IQSEC1: variants seen among roughly 807,000 people sequenced by gnomAD.
IQSEC1 encodes IQ motif and Sec7 domain ArfGEF 1.
Under a neutral mutation model 91.0 loss-of-function variants are expected in IQSEC1, and 31 were observed. The observed-to-expected ratio is 0.34, with a 90% CI of 0.26 to 0.46. The LOEUF is 0.46. IQSEC1 is among the 20% of genes least tolerant of loss of function. The pLI is 1.00. For synonymous variants in IQSEC1, 699 were observed against 662.6 expected (o/e 1.05, Z -0.84); for missense variants, 1,388 against 1,575.6 (o/e 0.88, Z 2.02).
chr3:12,911,542 C>T, intron 10 of IQSEC1, 87 bp downstream of exon 10: 2 of 985,336 alleles, frequency 2.0e-6, no homozygotes, highest in Non-Finnish European at 3.2e-6. Flanking sequence ...GTCGAAGCCC[C>T]CCGCGGTTCT....
In IQSEC1 at chr3:12,899,069, C is replaced by G. The variant is rs1693940686; in HGVS notation, c.*1914G>C. On this transcript the variant is annotated 3_prime_UTR_variant, in exon 14 of 14. Transcript: ENST00000613206. ...AAGTCACATTTTTAAAAAGGCTAAA[C>G]TCTAGATTGCTGTATTTGCTCTCTC... 1 of 391,596 alleles carries G rather than the reference C, an allele frequency of 2.6e-6. No individual in the cohort carries two copies. Among genetic ancestry groups the G allele is most frequent in the Non-Finnish European group, 4.7e-6 (1 of 212,708 alleles). 24.3% of individuals were successfully genotyped at this position (391,596 alleles called of 1,614,324 possible). A position where few individuals can be genotyped will look rare whatever the true frequency, so the allele number is the denominator to read the frequency against.
chr3:13,124,992 A>G (rs1431265764), intron 2 of IQSEC1, among the ~76,000 whole-genome samples: 1 of 152,146 alleles, frequency 6.6e-6, no homozygotes, highest in Non-Finnish European at 1.5e-5. Flanking sequence ...AGGGATCTCC[A>G]TCCTCCTTCT....
chr3:13,071,153 G>GTTTTTTTTTTTTTTTTTTTTTTT (rs796412810), intron 1 of IQSEC1, among the ~76,000 whole-genome samples: 1 of 90,972 alleles, frequency 1.1e-5, no homozygotes, highest in Non-Finnish European at 2.3e-5. Flanking sequence ...GTTTTTTTTT[G>GTTTTTTTTTTTTTTTTTTTTTTT]TTTTTTTTTT....
chr3:13,270,779 T>A (rs1695579197), intron 1 of IQSEC1, among the ~76,000 whole-genome samples: 1 of 152,222 alleles, frequency 6.6e-6, no homozygotes, highest in East Asian at 1.9e-4. Context: ...ATTGTATATA[T>A]AAATCTCACC....
chr3:13,078,194 G>A (rs780907387), upstream of IQSEC1, among the ~76,000 whole-genome samples: 7 of 152,308 alleles, frequency 4.6e-5, no homozygotes, highest in Admixed American at 6.5e-5. Flanking sequence ...CCCCTGGGGA[G>A]AGAACCAGTG....
chr3:13,030,019 G>A (rs1161779866), intron 1 of IQSEC1, among the ~76,000 whole-genome samples: 2 of 151,964 alleles, frequency 1.3e-5, no homozygotes, highest in African/African-American at 2.4e-5. Context: ...AACCAGACTG[G>A]TCTTGAACTC....
At chr3:13,054,964 G>A (rs1704822396) in intron 1 of IQSEC1, among the ~76,000 whole-genome samples, 1 of 152,256 alleles carries the variant, frequency 6.6e-6, no homozygotes, top group Non-Finnish European at 1.5e-5. Context: ...AAACTGGCCT[G>A]AGGGGCTGCT....
At position 12,908,944 on chromosome 3, in the gene IQSEC1, A is replaced by G. The variant is rs1695289255; in HGVS notation, c.2578+329T>C. ...GATGGCCTTGGCTGTGTGACCCATC[A>G]GTCGGTTGAGCCTGATGCAGAAGAT... On this transcript the variant is annotated intron_variant, in intron 11 of 13. Transcript: ENST00000613206. This position sits in a 1 kb window ranked among gnomAD's most constrained non-coding sequence, Gnocchi z 4.9. 6.6e-6 allele frequency among the ~76,000 whole-genome samples: 1 copy of G among 152,158 alleles called. No individual in the cohort carries two copies. Among genetic ancestry groups the G allele is most frequent in the East Asian group, 1.9e-4 (1 of 5,190 alleles).
At chr3:12,963,218 C>T (rs1003917301) in intron 1 of IQSEC1, among the ~76,000 whole-genome samples, 4 of 152,374 alleles carry the variant, frequency 2.6e-5, no homozygotes, top group Middle Eastern at 3.4e-3. Context: ...GGTTCTCCAT[C>T]GGGACCTTAA....
At chr3:13,256,383 A>G (rs972076973) in intron 1 of IQSEC1, among the ~76,000 whole-genome samples, 4 of 152,242 alleles carry the variant, frequency 2.6e-5, no homozygotes, top group Admixed American at 2.6e-4. Flanking sequence ...ATCAGATATA[A>G]TGATATCATA....
intron 1 of IQSEC1, among the ~76,000 whole-genome samples, chr3:13,231,954 C>G (rs142900288): frequency 6.6e-6 from 1 of 152,256 alleles, no homozygotes; most frequent in Non-Finnish European, 1.5e-5. Context: ...GGTGCTCCCA[C>G]GCCGAGAGGC....
In IQSEC1 at chr3:12,979,334, A is replaced by G. The variant is rs1185226231; in HGVS notation, c.24-37469T>C. Among the ~76,000 whole-genome samples, 2 of 152,244 alleles carry G rather than the reference A, an allele frequency of 1.3e-5. No homozygotes were observed. The highest frequency in any genetic ancestry group is 1.5e-5 in the Non-Finnish European group (1 of 68,036). ...CTGCTGTGTTTTGTTTACAACACAG[A>G]TTAGCAAGCACAGAGAATCCACATG... On this transcript the variant is annotated intron_variant, in intron 1 of 13. Transcript: ENST00000613206. This position sits in a 1 kb window ranked among gnomAD's most constrained non-coding sequence, Gnocchi z 4.3.
intron 1 of IQSEC1, among the ~76,000 whole-genome samples, chr3:12,996,009 A>G (rs1702213389): frequency 6.6e-6 from 1 of 152,100 alleles, no homozygotes; most frequent in South Asian, 2.1e-4. Context: ...GCGAGACTCC[A>G]TCTCAAAAAT....
At chr3:12,938,536 C>T (rs115549381) in intron 2 of IQSEC1, among the ~76,000 whole-genome samples, 4,825 of 152,270 alleles carry the variant, frequency 0.032, 98 homozygotes, top group Middle Eastern at 0.065. Context: ...TTTTCTCTCT[C>T]GCCCTGTTAC....
intron 1 of IQSEC1, among the ~76,000 whole-genome samples, chr3:13,034,049 A>G (rs920904851): frequency 6.6e-6 from 1 of 152,156 alleles, no homozygotes; most frequent in African/African-American, 2.4e-5. Context: ...TTTCACCTTC[A>G]TTCCTCTTTA....
intron 1 of IQSEC1, among the ~76,000 whole-genome samples, chr3:13,062,644 C>T (rs549555781): frequency 3.9e-5 from 6 of 152,248 alleles, no homozygotes; most frequent in Admixed American, 2.0e-4. Flanking sequence ...GGCCAGGGGA[C>T]AGACACCCGA....
chr3:12,920,996 C>T (rs1696580436), intron 5 of IQSEC1, among the ~76,000 whole-genome samples: 1 of 152,198 alleles, frequency 6.6e-6, no homozygotes, highest in Non-Finnish European at 1.5e-5. Context: ...GAGGTGAAAG[C>T]AGCCAGGGGC....
intron 2 of IQSEC1, among the ~76,000 whole-genome samples, chr3:13,142,747 C>T (rs1706822599): frequency 1.3e-5 from 2 of 152,250 alleles, no homozygotes; most frequent in South Asian, 4.1e-4. Context: ...TATTGCAGCA[C>T]ATCCAGGCCC....
intron 2 of IQSEC1, among the ~76,000 whole-genome samples, chr3:12,938,788 C>T (rs1340315117): frequency 6.6e-6 from 1 of 152,164 alleles, no homozygotes; most frequent in African/African-American, 2.4e-5. Flanking sequence ...GCAGACCACG[C>T]AGCCACCCTG....
Sources: allele counts gnomAD v4.1 joint callset (sites outside exome capture counted in the v4.1 genomes callset), GRCh38; gene constraint gnomAD v4.1.1; non-coding constraint Gnocchi (gnomAD v3.1); transcripts MANE v1.5; gene names NCBI Gene and HGNC (gene_info 2026-07-23, HGNC 2026-07-21).